The following MNAT1 variants were observed in gnomAD, a reference collection of about 807,000 sequenced individuals.
MNAT1 encodes CDK-activating kinase assembly factor MAT1.
In MNAT1, 43 loss-of-function variants were observed where a neutral mutation model predicts 42.0. The observed-to-expected ratio is 1.02, with a 90% CI of 0.80 to 1.32. The LOEUF (loss-of-function observed/expected upper bound fraction) is 1.32. Ranked by LOEUF, MNAT1 falls within the 40% of genes most tolerant of loss-of-function variation. The probability of loss-of-function intolerance (pLI) is 0.00; values close to 1 mark genes in which losing one functional copy is unlikely to be tolerated. For missense variants in MNAT1, 306 were observed against 350.4 expected, an observed-to-expected ratio of 0.87 and a Z score of 1.01; for synonymous variants, 118 against 120.0, an observed-to-expected ratio of 0.98 and a Z score of 0.11.
intron 1 of MNAT1, chr14:60,780,649 A>G (rs2031425338): frequency 1.9e-6 from 2 of 1,076,778 alleles, no homozygotes; most frequent in South Asian, 1.5e-5. Context: ...TTTTCCTGAA[A>G]TCAAGTCATC....
rs1238686763 is a variant in MNAT1 at position 60,888,559 on chromosome 14, A to G, written c.809+8724A>G. ...GCACAAGACAGGGATGCCCTCTCTCACCACTCCTATTCAACATAGTGTTGG... is the reference window on the plus strand; with the variant it reads ...GCACAAGACAGGGATGCCCTCTCTCGCCACTCCTATTCAACATAGTGTTGG... On this transcript the variant is annotated intron_variant, in intron 7 of 7. Transcript: ENST00000261245. Among the ~76,000 whole-genome samples, 3 of 151,714 alleles carry G rather than the reference A, an allele frequency of 2.0e-5. 1 individual carries two copies. Among genetic ancestry groups the G allele is most frequent in the Admixed American group, 2.0e-4 (3 of 15,234 alleles).
chr14:60,836,727 C>T (rs2033400168), intron 6 of MNAT1, among the ~76,000 whole-genome samples: 1 of 152,220 alleles, frequency 6.6e-6, no homozygotes, highest in Non-Finnish European at 1.5e-5. Flanking sequence ...CAGGGACCCA[C>T]TTGAGGAGGC....
At chr14:60,944,324 A>G (rs2036232132) in intron 7 of MNAT1, among the ~76,000 whole-genome samples, 1 of 152,204 alleles carries the variant, frequency 6.6e-6, no homozygotes, top group South Asian at 2.1e-4. Flanking sequence ...TGAGGCATTC[A>G]GGCTTATATG....
chr14:60,878,876 T>C (rs2034489220), intron 6 of MNAT1, among the ~76,000 whole-genome samples: 1 of 152,168 alleles, frequency 6.6e-6, no homozygotes, highest in Non-Finnish European at 1.5e-5. Flanking sequence ...TGTCTGCAGC[T>C]GATCTGGGTG....
At chr14:60,928,164 G>C (rs1272248868) in intron 7 of MNAT1, among the ~76,000 whole-genome samples, 2 of 152,046 alleles carry the variant, frequency 1.3e-5, no homozygotes, top group Non-Finnish European at 2.9e-5. Flanking sequence ...ATGTTTCTGA[G>C]GTTCATATTG....
chr14:60,909,412 G>C (rs1196124193), intron 7 of MNAT1, among the ~76,000 whole-genome samples: 5 of 152,124 alleles, frequency 3.3e-5, no homozygotes, highest in South Asian at 2.1e-4. Flanking sequence ...CCTATGTCCT[G>C]AATGGTATTG....
intron 6 of MNAT1, among the ~76,000 whole-genome samples, chr14:60,872,061 G>A (rs2034336523): frequency 1.3e-5 from 2 of 152,058 alleles, no homozygotes; most frequent in African/African-American, 2.4e-5. Flanking sequence ...TGCTATGAAG[G>A]AATACCTGAG....
chr14:60,913,103 TC>T (rs1187873378), intron 7 of MNAT1, among the ~76,000 whole-genome samples: 8 of 152,220 alleles, frequency 5.3e-5, no homozygotes, highest in Non-Finnish European at 7.3e-5. Flanking sequence ...TACCCTTTCT[TC>T]CAGTTGATCG....
intron 1 of MNAT1, among the ~76,000 whole-genome samples, chr14:60,767,640 GC>G (rs2030881502): frequency 6.6e-6 from 1 of 151,756 alleles, no homozygotes; most frequent in South Asian, 2.1e-4. Flanking sequence ...TTGCTCTGTT[GC>G]CCAGGCAAGA....
chr14:60,868,145 G>A (rs1311609827), intron 6 of MNAT1, among the ~76,000 whole-genome samples: 1 of 152,048 alleles, frequency 6.6e-6, no homozygotes, highest in African/African-American at 2.4e-5. Context: ...TATTCTTTAA[G>A]TACTCTATCC....
At chr14:60,833,708 G>T (rs1234247895) in intron 6 of MNAT1, among the ~76,000 whole-genome samples, 4 of 152,086 alleles carry the variant, frequency 2.6e-5, no homozygotes, top group African/African-American at 9.7e-5. Flanking sequence ...TTAGGGAGGA[G>T]TGCCTTATTT....
intron 1 of MNAT1, among the ~76,000 whole-genome samples, chr14:60,794,922 TAGTG>T (rs1376711981): frequency 6.6e-6 from 1 of 151,940 alleles, no homozygotes; most frequent in Non-Finnish European, 1.5e-5. Flanking sequence ...GAAGTTTACT[TAGTG>T]AGTACTTAGC....
intron 1 of MNAT1, among the ~76,000 whole-genome samples, chr14:60,762,705 C>A (rs866628421): frequency 5.8e-3 from 545 of 94,702 alleles, no homozygotes; most frequent in Middle Eastern, 7.0e-3. Context: ...GACTCTGTCT[C>A]AAAAAAAAAA....
At chr14:60,814,480 T>TTG (rs761134267) in intron 5 of MNAT1, among the ~76,000 whole-genome samples, 59 of 150,862 alleles carry the variant, frequency 3.9e-4, no homozygotes, top group African/African-American at 4.6e-4. Flanking sequence ...GCTTTTGTGT[T>TTG]TGTGTGTGTG....
In MNAT1 at chr14:60,793,578, G is replaced by A. The variant is rs577040911; in HGVS notation, c.90-2639G>A. On this transcript the variant is annotated intron_variant, in intron 1 of 7. Coordinates refer to ENST00000261245, the MANE Select transcript of MNAT1 (RefSeq NM_002431.4). ...GTAGAGGGAGGGATCTAGCCATGTT[G>A]TCTAGGCTGGTCTTATATTCTTGGC... Among the ~76,000 whole-genome samples, 35 of 152,032 alleles carry A rather than the reference G, an allele frequency of 2.3e-4. No homozygotes were observed. In the Middle Eastern group the frequency reaches 0.014, roughly 59 times the overall value.
At chr14:60,943,688 T>G (rs1272908465) in intron 7 of MNAT1, among the ~76,000 whole-genome samples, 1 of 152,182 alleles carries the variant, frequency 6.6e-6, no homozygotes, top group African/African-American at 2.4e-5. Context: ...TGCATTATTT[T>G]GCCCTCCATG....
At chr14:60,935,783 G>A (rs892026935) in intron 7 of MNAT1, among the ~76,000 whole-genome samples, 3 of 152,062 alleles carry the variant, frequency 2.0e-5, no homozygotes, top group African/African-American at 7.2e-5. Context: ...CAAACATATA[G>A]TTGAAGATGC....
chr14:60,936,643 G>A (rs1308820097), intron 7 of MNAT1, among the ~76,000 whole-genome samples: 1 of 152,060 alleles, frequency 6.6e-6, no homozygotes, highest in African/African-American at 2.4e-5. Flanking sequence ...CATTTGACTT[G>A]GTTCCAAGTC....
intron 4 of MNAT1, 31 bp downstream of exon 4, chr14:60,808,459 G>A: frequency 7.7e-7 from 1 of 1,299,458 alleles, no homozygotes; most frequent in Non-Finnish European, 1.1e-6. Context: ...TTCTTATTTT[G>A]TCTTAGAAAC....
Sources: allele counts gnomAD v4.1 joint callset (sites outside exome capture counted in the v4.1 genomes callset), GRCh38; gene constraint gnomAD v4.1.1; transcripts MANE v1.5; gene names NCBI Gene and HGNC (gene_info 2026-07-23, HGNC 2026-07-21).